LRFN5: variants seen among roughly 807,000 people sequenced by gnomAD.
The protein encoded by LRFN5 is leucine rich repeat and fibronectin type III domain containing 5.
Under a neutral mutation model 45.6 loss-of-function variants are expected in LRFN5, and 24 were observed. The ratio of observed to expected loss-of-function variants is 0.53; its 90% CI spans 0.38 to 0.74. The LOEUF (loss-of-function observed/expected upper bound fraction) is 0.74. LRFN5 is among the 30% of genes least tolerant of loss of function. The pLI is 0.00. For missense variants in LRFN5, 776 were observed against 861.5 expected, an observed-to-expected ratio of 0.90 and a Z score of 1.24; for synonymous variants, 340 against 313.8, an observed-to-expected ratio of 1.08 and a Z score of -0.88.
At chr14:41,851,475 A>T (rs1033224983) in intron 2 of LRFN5, among the ~76,000 whole-genome samples, 1 of 151,808 alleles carries the variant, frequency 6.6e-6, no homozygotes, top group African/African-American at 2.4e-5. Flanking sequence ...TATTTGCATA[A>T]AATACTTATG....
chr14:41,656,364 T>C (rs1402311705), intron 1 of LRFN5, among the ~76,000 whole-genome samples: 1 of 152,048 alleles, frequency 6.6e-6, no homozygotes, highest in African/African-American at 2.4e-5. Context: ...AGAAATGAAT[T>C]TGAACGCATT....
intron 1 of LRFN5, among the ~76,000 whole-genome samples, chr14:41,678,760 C>A (rs1881751722): frequency 6.6e-6 from 1 of 152,132 alleles, no homozygotes; most frequent in African/African-American, 2.4e-5. Flanking sequence ...CTACTATCCA[C>A]ACAAGAAAGC....
At chr14:41,853,236 A>C (rs575700866) in intron 2 of LRFN5, among the ~76,000 whole-genome samples, 1 of 152,112 alleles carries the variant, frequency 6.6e-6, no homozygotes, top group African/African-American at 2.4e-5. Flanking sequence ...TGCATATTTT[A>C]TTCATTAATT....
intron 2 of LRFN5, among the ~76,000 whole-genome samples, chr14:41,776,150 G>T (rs1331874638): frequency 6.6e-6 from 1 of 152,160 alleles, no homozygotes; most frequent in Non-Finnish European, 1.5e-5. Flanking sequence ...AAAAGAGATT[G>T]TTTAAATTTT....
At chr14:41,772,108 C>G (rs564779310) in intron 2 of LRFN5, among the ~76,000 whole-genome samples, 1 of 152,196 alleles carries the variant, frequency 6.6e-6, no homozygotes, top group Admixed American at 6.5e-5. Flanking sequence ...ATAGTAGGAA[C>G]AAGAGAGCGA....
At chr14:41,708,141 A>G (rs1358811018) in intron 1 of LRFN5, among the ~76,000 whole-genome samples, 1 of 152,034 alleles carries the variant, frequency 6.6e-6, no homozygotes, top group South Asian at 2.1e-4. Context: ...CCATATTCAT[A>G]AAGTTTTTAT....
chr14:41,807,917 G>T (rs1887577776), intron 2 of LRFN5, among the ~76,000 whole-genome samples: 1 of 151,806 alleles, frequency 6.6e-6, no homozygotes, highest in Admixed American at 6.6e-5. Context: ...TAATTTTCAC[G>T]ATGTTTATCT....
intron 1 of LRFN5, among the ~76,000 whole-genome samples, chr14:41,612,042 G>A (rs975038615): frequency 2.0e-5 from 3 of 152,018 alleles, no homozygotes; most frequent in Admixed American, 1.3e-4. Flanking sequence ...ATAAATGACC[G>A]TCATTTTCCT....
intron 1 of LRFN5, among the ~76,000 whole-genome samples, chr14:41,742,312 TACACACACACACACACAC>T (rs61109523): frequency 6.9e-6 from 1 of 145,138 alleles, no homozygotes; most frequent in Non-Finnish European, 1.5e-5. Context: ...GTGGTGTGTA[TACACACACACACACACAC>T]ACACACACAC....
At position 41,607,354 on chromosome 14, in the gene LRFN5, A is replaced by G. The variant is rs1337790796; in HGVS notation, c.-1405A>G. Among the ~76,000 whole-genome samples the G allele has an allele frequency of 6.6e-6, 1 of 152,128 alleles. No individual in the cohort carries two copies. Among genetic ancestry groups the G allele is most frequent in the African/African-American group, 2.4e-5 (1 of 41,424 alleles). Reference sequence around the variant, plus strand: ...GGTGGGGCAGACCAACGAAACCTAGACAGACACACACACACTCAGAGGAGA... The same window carrying G: ...GGTGGGGCAGACCAACGAAACCTAGGCAGACACACACACACTCAGAGGAGA... On this transcript the variant is annotated 5_prime_UTR_variant, in exon 1 of 6. Transcript: ENST00000298119.
At chr14:41,873,405 AAGAGAGAGAGAGAC>A (rs984888497) in intron 2 of LRFN5, among the ~76,000 whole-genome samples, 20 of 122,556 alleles carry the variant, frequency 1.6e-4, no homozygotes, top group African/African-American at 5.6e-4. Context: ...AGAGAGGAGA[AAGAGAGAGAGAGAC>A]AGAGAGAGAG....
chr14:41,714,402 TATC>T (rs1319691363), intron 1 of LRFN5, among the ~76,000 whole-genome samples: 1 of 152,220 alleles, frequency 6.6e-6, no homozygotes, highest in Non-Finnish European at 1.5e-5. Flanking sequence ...GACATATAAT[TATC>T]ATACAAGAAT....
intron 2 of LRFN5, among the ~76,000 whole-genome samples, chr14:41,801,101 A>C (rs976131956): frequency 2.0e-5 from 3 of 152,114 alleles, no homozygotes; most frequent in Non-Finnish European, 4.4e-5. Flanking sequence ...TACATGTGAA[A>C]ATATTGGTAA....
intron 1 of LRFN5, among the ~76,000 whole-genome samples, chr14:41,707,887 G>T (rs1883131524): frequency 6.6e-6 from 1 of 151,818 alleles, no homozygotes; most frequent in Admixed American, 6.6e-5. Flanking sequence ...AAGTTTCTTG[G>T]CCCCTAAATG....
intron 1 of LRFN5, among the ~76,000 whole-genome samples, chr14:41,635,321 A>G (rs998404622): frequency 7.2e-5 from 11 of 152,318 alleles, no homozygotes; most frequent in Admixed American, 7.2e-4. Flanking sequence ...TTTTAAAAAC[A>G]TAAATAAGAT....
At chr14:41,651,699 A>G (rs1352382939) in intron 1 of LRFN5, among the ~76,000 whole-genome samples, 1 of 152,170 alleles carries the variant, frequency 6.6e-6, no homozygotes, top group African/African-American at 2.4e-5. Flanking sequence ...TGAGCCACAA[A>G]TTTTACTAAG....
At chr14:41,631,075 T>C (rs76597119) in intron 1 of LRFN5, among the ~76,000 whole-genome samples, 3,231 of 152,172 alleles carry the variant, frequency 0.021, 104 homozygotes, top group African/African-American at 0.071. Flanking sequence ...ATTTCCCCAC[T>C]CAAAAACCTC....
chr14:41,677,725 G>T (rs986838818), intron 1 of LRFN5, among the ~76,000 whole-genome samples: 2 of 151,890 alleles, frequency 1.3e-5, no homozygotes, highest in African/African-American at 4.8e-5. Context: ...AATCAATAAA[G>T]AAAATTGAAT....
At chr14:41,719,747 A>G (rs373091168) in intron 1 of LRFN5, among the ~76,000 whole-genome samples, 1 of 150,812 alleles carries the variant, frequency 6.6e-6, no homozygotes, top group Non-Finnish European at 1.5e-5. Flanking sequence ...GTGTGTGTGT[A>G]TATATATATA....
Sources: allele counts gnomAD v4.1 joint callset (sites outside exome capture counted in the v4.1 genomes callset), GRCh38; gene constraint gnomAD v4.1.1; transcripts MANE v1.5; gene names NCBI Gene and HGNC (gene_info 2026-07-23, HGNC 2026-07-21).